The following EFNA5 variants were observed in gnomAD, a reference collection of about 807,000 sequenced individuals.
EFNA5 encodes the protein ephrin-A5.
EFNA5 carries 5 observed loss-of-function variants against 22.9 expected under a neutral mutation model. That is an observed-to-expected ratio of 0.22 (90% CI 0.11 to 0.46). The LOEUF (loss-of-function observed/expected upper bound fraction) is 0.46, where lower values mean the gene tolerates loss of function less well. Among genes scored for constraint, EFNA5 ranks in the 20% least tolerant of loss-of-function variants. The probability of loss-of-function intolerance (pLI) is 0.99; values close to 1 mark genes in which losing one functional copy is unlikely to be tolerated. For missense variants in EFNA5, 237 were observed against 293.3 expected (o/e 0.81, Z 1.40); for synonymous variants, 113 against 112.2 (o/e 1.01, Z -0.04).
chr5:107,564,519 C>T (rs1748619752), intron 1 of EFNA5, among the ~76,000 whole-genome samples: 1 of 152,136 alleles, frequency 6.6e-6, no homozygotes, highest in African/African-American at 2.4e-5. Flanking sequence ...CCCAAAAGCA[C>T]CTAACTCATA....
intron 1 of EFNA5, among the ~76,000 whole-genome samples, chr5:107,590,554 A>AT (rs986812319): frequency 2.8e-4 from 42 of 150,690 alleles, no homozygotes; most frequent in African/African-American, 7.1e-4. Flanking sequence ...AGGCTGAGCT[A>AT]TTTTTTTTTC....
chr5:107,506,636 A>G (rs1359186054), intron 1 of EFNA5, among the ~76,000 whole-genome samples: 2 of 152,206 alleles, frequency 1.3e-5, no homozygotes, highest in Non-Finnish European at 2.9e-5. Context: ...AGCCCATTTA[A>G]TGGCAAGCTA....
intron 1 of EFNA5, among the ~76,000 whole-genome samples, chr5:107,659,059 G>A (rs1750887291): frequency 6.6e-6 from 1 of 152,034 alleles, no homozygotes; most frequent in Non-Finnish European, 1.5e-5. Flanking sequence ...TATTATATCT[G>A]CACAATGGTC....
chr5:107,658,576 G>A (rs991743400), intron 1 of EFNA5, among the ~76,000 whole-genome samples: 9 of 152,072 alleles, frequency 5.9e-5, no homozygotes, highest in African/African-American at 9.7e-5. Context: ...ACATAAATAC[G>A]GAGCCATTTT....
At position 107,379,540 on chromosome 5, in the gene EFNA5, G is replaced by A. The variant is rs1289434746; in HGVS notation, c.*1715C>T. On this transcript the variant is annotated 3_prime_UTR_variant, in exon 5 of 5. Coordinates refer to ENST00000333274, the MANE Select transcript of EFNA5 (RefSeq NM_001962.3). ...GGCATGGTTTCTGTTGACATGTCGT[G>A]CAAAGCCAAAAAAAAAAAAAAAAAA... The A allele has an allele frequency of 1.5e-5, 1 of 65,040 alleles. No individual in the cohort carries two copies. The highest frequency in any genetic ancestry group is 2.8e-5 in the Non-Finnish European group (1 of 35,478). 4.0% of individuals were successfully genotyped at this position (65,040 alleles called of 1,614,324 possible). A position where few individuals can be genotyped will look rare whatever the true frequency, so the allele number is the denominator to read the frequency against.
intron 1 of EFNA5, among the ~76,000 whole-genome samples, chr5:107,530,581 A>T (rs527602324): frequency 8.7e-4 from 132 of 152,348 alleles, no homozygotes; most frequent in African/African-American, 3.0e-3. Flanking sequence ...ATATTGAAAA[A>T]TTTGGAAATT....
intron 1 of EFNA5, among the ~76,000 whole-genome samples, chr5:107,467,482 A>G (rs1250613511): frequency 6.6e-6 from 1 of 152,206 alleles, no homozygotes; most frequent in Non-Finnish European, 1.5e-5. Context: ...GCAAAGGGAC[A>G]TTTGGAAAAA....
At position 107,435,661 on chromosome 5, in the gene EFNA5, G is replaced by A. The variant is rs370770834; in HGVS notation, c.126-8152C>T. 5.9e-5 allele frequency among the ~76,000 whole-genome samples: 9 copies of A among 152,226 alleles called. No homozygotes were observed. In the South Asian group the frequency reaches 1.9e-3, roughly 32 times the overall value. On this transcript the variant is annotated intron_variant, in intron 1 of 4. Coordinates refer to ENST00000333274, the MANE Select transcript of EFNA5 (RefSeq NM_001962.3). Reference sequence around the variant, plus strand: ...GGCTTTAGAACATGCTAAAATCAATGAATATTCCTAGAGAAGTGAAGGTTC... The same window carrying A: ...GGCTTTAGAACATGCTAAAATCAATAAATATTCCTAGAGAAGTGAAGGTTC...
chr5:107,444,553 A>T (rs757866640), intron 1 of EFNA5, among the ~76,000 whole-genome samples: 4 of 152,254 alleles, frequency 2.6e-5, no homozygotes, highest in Non-Finnish European at 5.9e-5. Context: ...GAGAATACTT[A>T]ATGGTTGAAC....
In EFNA5 at chr5:107,569,559, TTATATATATATATA is replaced by T. The variant is rs70996962; in HGVS notation, c.125+100916_125+100929del. Among the ~76,000 whole-genome samples the T allele has an allele frequency of 3.5e-4, 15 of 42,498 alleles. 1 individual carries two copies. Among genetic ancestry groups the T allele is most frequent in the Admixed American group, 2.1e-3 (8 of 3,774 alleles). The allele number at this position is 42,498 out of a possible 152,430, so 27.9% of individuals were successfully genotyped here. A position where few individuals can be genotyped will look rare whatever the true frequency, so the allele number is the denominator to read the frequency against. ...TATATATATGTGTGTATATATATAT[TTATATATATATATA>T]TATATATATATATATATATATATTC... is the stretch of plus-strand genomic sequence containing the variant. On this transcript the variant is annotated intron_variant, in intron 1 of 4. Transcript: ENST00000333274.
intron 2 of EFNA5, among the ~76,000 whole-genome samples, chr5:107,421,626 T>G (rs1417387423): frequency 6.6e-6 from 1 of 152,200 alleles, no homozygotes; most frequent in Non-Finnish European, 1.5e-5. Flanking sequence ...AATTTATCTT[T>G]CTACCATCTG....
intron 1 of EFNA5, among the ~76,000 whole-genome samples, chr5:107,524,775 C>A (rs547712446): frequency 6.6e-6 from 1 of 152,108 alleles, no homozygotes; most frequent in Non-Finnish European, 1.5e-5. Context: ...AAGGGATGTC[C>A]TTTTTACAGC....
chr5:107,553,756 T>C (rs903715134), intron 1 of EFNA5, among the ~76,000 whole-genome samples: 2 of 152,228 alleles, frequency 1.3e-5, no homozygotes, highest in Non-Finnish European at 2.9e-5. Context: ...ATTCCTTTTA[T>C]GATTTTCCTT....
intron 1 of EFNA5, among the ~76,000 whole-genome samples, chr5:107,599,868 C>T (rs1056684978): frequency 6.6e-6 from 1 of 152,218 alleles, no homozygotes; most frequent in Non-Finnish European, 1.5e-5. Context: ...GCCTTGCAGA[C>T]ACACAATGGC....
chr5:107,494,588 G>A (rs1038891194), intron 1 of EFNA5, among the ~76,000 whole-genome samples: 3 of 152,230 alleles, frequency 2.0e-5, no homozygotes, highest in African/African-American at 7.2e-5. Context: ...GCAGGCACAC[G>A]GCACGGGACT....
At chr5:107,403,497 G>A (rs77713966) in intron 2 of EFNA5, among the ~76,000 whole-genome samples, 4,317 of 152,264 alleles carry the variant, frequency 0.028, 80 homozygotes, top group African/African-American at 0.05. Flanking sequence ...TGGCTCACCC[G>A]TTGCAGGCAA....
chr5:107,544,741 T>C (rs889765730), intron 1 of EFNA5, among the ~76,000 whole-genome samples: 6 of 152,210 alleles, frequency 3.9e-5, no homozygotes, highest in African/African-American at 1.4e-4. Context: ...ATTTCTTTAC[T>C]TGCCAAACTC....
At chr5:107,614,905 T>A (rs1047636249) in intron 1 of EFNA5, among the ~76,000 whole-genome samples, 3 of 152,180 alleles carry the variant, frequency 2.0e-5, no homozygotes, top group African/African-American at 7.2e-5. Context: ...ATATGCCATA[T>A]GTTTAGAAAG....
chr5:107,411,634 A>G (rs1258153748), intron 2 of EFNA5, among the ~76,000 whole-genome samples: 1 of 152,150 alleles, frequency 6.6e-6, no homozygotes, highest in East Asian at 1.9e-4. Flanking sequence ...CTGGAAGGAA[A>G]AGTCTCTCTT....
Sources: gnomAD v4.1 joint callset for allele counts (sites outside exome capture counted in the v4.1 genomes callset) on GRCh38, gnomAD v4.1.1 for gene constraint, MANE v1.5 for transcripts, NCBI Gene and HGNC (gene_info 2026-07-23, HGNC 2026-07-21) for gene names.